The following ASCC1 variants were observed in gnomAD, a reference collection of about 807,000 sequenced individuals.
ASCC1 encodes the protein ASC-1 complex subunit P50.
A neutral mutation model predicts 46.6 loss-of-function variants in ASCC1; 35 were observed. That is an observed-to-expected ratio of 0.75 (90% CI 0.57 to 0.99). The LOEUF (loss-of-function observed/expected upper bound fraction) is 0.99, where lower values mean the gene tolerates loss of function less well. ASCC1 is among the 50% of genes least tolerant of loss of function. ASCC1 has a pLI of 0.00. For missense variants in ASCC1, 376 were observed against 428.7 expected (o/e 0.88, Z 1.09); for synonymous variants, 143 against 146.6 (o/e 0.98, Z 0.18).
chr10:72,212,484 T>C (rs1435357790), intron 2 of ASCC1, among the ~76,000 whole-genome samples: 1 of 152,200 alleles, frequency 6.6e-6, no homozygotes, highest in African/African-American at 2.4e-5. Context: ...CATGACCATC[T>C]GAGGATTTTG....
At chr10:72,192,136 TA>T (rs945127561) in intron 5 of ASCC1, among the ~76,000 whole-genome samples, 4 of 151,922 alleles carry the variant, frequency 2.6e-5, no homozygotes, top group African/African-American at 7.3e-5. Flanking sequence ...ACAATATACA[TA>T]AAGAACCCTA....
chr10:72,170,540 G>A (rs992101603), intron 5 of ASCC1, among the ~76,000 whole-genome samples: 16 of 150,588 alleles, frequency 1.1e-4, no homozygotes, highest in African/African-American at 3.9e-4. Flanking sequence ...AGGTGCAGTG[G>A]TGCTCACAGC....
At chr10:72,178,584 A>C (rs149955065) in intron 5 of ASCC1, among the ~76,000 whole-genome samples, 1 of 152,200 alleles carries the variant, frequency 6.6e-6, no homozygotes, top group Non-Finnish European at 1.5e-5. Flanking sequence ...ATTCTTCCCA[A>C]GAGCCTCCAG....
intron 7 of ASCC1, among the ~76,000 whole-genome samples, chr10:72,149,156 T>A (rs986757796): frequency 6.6e-6 from 1 of 150,726 alleles, no homozygotes; most frequent in Non-Finnish European, 1.5e-5. Context: ...AAAAGTGTTG[T>A]GGCCGGGCAC....
At chr10:72,146,970 T>C (rs1317765446) in intron 7 of ASCC1, among the ~76,000 whole-genome samples, 2 of 151,810 alleles carry the variant, frequency 1.3e-5, no homozygotes, top group African/African-American at 4.8e-5. Flanking sequence ...AACAGGGCCA[T>C]GTGTTACTAG....
intron 5 of ASCC1, among the ~76,000 whole-genome samples, chr10:72,188,616 C>T (rs1853877172): frequency 6.6e-6 from 1 of 152,092 alleles, no homozygotes; most frequent in Non-Finnish European, 1.5e-5. Context: ...TTCACTTTGC[C>T]ACAACTTTCA....
At chr10:72,199,595 C>T (rs540999756) in intron 4 of ASCC1, among the ~76,000 whole-genome samples, 6 of 151,954 alleles carry the variant, frequency 3.9e-5, no homozygotes, top group African/African-American at 9.7e-5. Context: ...TGGGCCTGGC[C>T]GGCTAATTTT....
At chr10:72,114,261 T>C (rs1843239939) in intron 9 of ASCC1, among the ~76,000 whole-genome samples, 1 of 152,136 alleles carries the variant, frequency 6.6e-6, no homozygotes, top group African/African-American at 2.4e-5. Flanking sequence ...ACTTGAAAGA[T>C]TGTGAGTATG....
intron 9 of ASCC1, among the ~76,000 whole-genome samples, chr10:72,104,949 C>T (rs147250089): frequency 8.5e-5 from 13 of 152,194 alleles, no homozygotes; most frequent in African/African-American, 1.9e-4. Context: ...GCTTGACTTC[C>T]GGGAAGAGCC....
At chr10:72,141,444 T>A (rs1847005705) in intron 7 of ASCC1, among the ~76,000 whole-genome samples, 2 of 152,206 alleles carry the variant, frequency 1.3e-5, no homozygotes, top group African/African-American at 4.8e-5. Context: ...TATACAATAC[T>A]GTAATCGGGA....
intron 5 of ASCC1, among the ~76,000 whole-genome samples, chr10:72,188,983 TG>T (rs1298389810): frequency 6.6e-6 from 1 of 152,052 alleles, no homozygotes; most frequent in Non-Finnish European, 1.5e-5. Flanking sequence ...CTTGAACTCC[TG>T]GGCTCAAGCA....
intron 9 of ASCC1, 49 bp downstream of exon 9, chr10:72,128,033 T>A: frequency 2.1e-6 from 3 of 1,403,022 alleles, no homozygotes; most frequent in Middle Eastern, 1.8e-4. Context: ...TCCTGCCTTA[T>A]TTAGGACATG....
chr10:72,129,069 A>G (rs147989835), intron 8 of ASCC1, among the ~76,000 whole-genome samples: 6 of 152,328 alleles, frequency 3.9e-5, no homozygotes, highest in Non-Finnish European at 7.3e-5. Flanking sequence ...GATGAAATAC[A>G]TCTAGAGTTT....
At chr10:72,126,838 C>T (rs541938663) in intron 9 of ASCC1, among the ~76,000 whole-genome samples, 2 of 152,292 alleles carry the variant, frequency 1.3e-5, no homozygotes, top group South Asian at 4.1e-4. Context: ...CAGCCTGCCA[C>T]TCAAACCCAA....
At chr10:72,172,179 G>C (rs996791236) in intron 5 of ASCC1, among the ~76,000 whole-genome samples, 1 of 151,996 alleles carries the variant, frequency 6.6e-6, no homozygotes, top group African/African-American at 2.4e-5. Flanking sequence ...ACTTTGGGAG[G>C]CCGAGGCGGG....
intron 7 of ASCC1, among the ~76,000 whole-genome samples, chr10:72,137,527 C>CAAAA (rs397956947): frequency 9.2e-5 from 7 of 76,098 alleles, no homozygotes; most frequent in African/African-American, 2.5e-4. Flanking sequence ...GACTCCATCT[C>CAAAA]AAAAAAAAAA....
Position 72,190,658 on chromosome 10 carries a change from A to C in ASCC1, c.489+6153T>G, listed in dbSNP as rs935349902. 9 of 721,390 alleles carry C rather than the reference A, an allele frequency of 1.2e-5. No individual in the cohort carries two copies. The African/African-American group carries it at 1.6e-4, about 13-fold the overall frequency. 44.7% of individuals were successfully genotyped at this position (721,390 alleles called of 1,614,324 possible). A position where few individuals can be genotyped will look rare whatever the true frequency, so the allele number is the denominator to read the frequency against. On this transcript the variant is annotated intron_variant, in intron 5 of 9. Coordinates refer to ENST00000672957, the MANE Select transcript of ASCC1 (RefSeq NM_001198800.3). ...GCTTACAGGTGTTATTTGTCTGTTA[A>C]AGCTAGTCTGCAAATTATTTAATGA... is the stretch of plus-strand genomic sequence containing the variant.
intron 1 of ASCC1, among the ~76,000 whole-genome samples, chr10:72,215,242 T>C (rs546211749): frequency 9.4e-4 from 142 of 151,824 alleles, no homozygotes; most frequent in Non-Finnish European, 1.9e-3. Flanking sequence ...CTACTGAAAA[T>C]ACAGAAAGTA....
intron 3 of ASCC1, among the ~76,000 whole-genome samples, chr10:72,206,673 C>T (rs940432911): frequency 3.3e-5 from 5 of 152,124 alleles, no homozygotes; most frequent in African/African-American, 4.8e-5. Context: ...TTCCAAACTA[C>T]GGAATCCGGC....
Sources: allele counts gnomAD v4.1 joint callset (sites outside exome capture counted in the v4.1 genomes callset), GRCh38; gene constraint gnomAD v4.1.1; transcripts MANE v1.5; gene names NCBI Gene and HGNC (gene_info 2026-07-23, HGNC 2026-07-21).